The following ST7 variants were observed in gnomAD, a reference collection of about 807,000 sequenced individuals.
ST7 encodes suppressor of tumorigenicity 7 protein.
A neutral mutation model predicts 78.7 loss-of-function variants in ST7; 28 were observed. The observed-to-expected ratio is 0.36, with a 90% CI of 0.26 to 0.49. ST7 has a LOEUF of 0.49. Ranked by LOEUF, ST7 falls within the 20% of genes least tolerant of loss-of-function variation. ST7 has a pLI of 0.99. For synonymous variants in ST7, 247 were observed against 249.6 expected (o/e 0.99, Z 0.10); for missense variants, 418 against 696.0 (o/e 0.60, Z 4.49).
intron 7 of ST7, among the ~76,000 whole-genome samples, chr7:117,134,992 A>G (rs12706142): frequency 6.6e-6 from 1 of 151,808 alleles, no homozygotes; most frequent in African/African-American, 2.4e-5. Context: ...CTAGCTGGCT[A>G]TTGCAGTTTG....
At chr7:117,196,624 C>CTTTTTTTTTTTTTTTTTTTT (rs56133709) in intron 12 of ST7, among the ~76,000 whole-genome samples, 2 of 59,504 alleles carry the variant, frequency 3.4e-5, no homozygotes, top group African/African-American at 1.3e-4. Context: ...GATTGTTGGG[C>CTTTTTTTTTTTTTTTTTTTT]TTTTTTTTTT....
intron 10 of ST7, among the ~76,000 whole-genome samples, chr7:117,180,950 C>G (rs969889172): frequency 6.6e-6 from 1 of 152,100 alleles, no homozygotes; most frequent in Non-Finnish European, 1.5e-5. Context: ...CCATGCCCAG[C>G]CTTTTATTTG....
intron 9 of ST7, among the ~76,000 whole-genome samples, chr7:117,154,403 A>C (rs1433599612): frequency 2.6e-5 from 4 of 152,206 alleles, no homozygotes. Flanking sequence ...CTGTGATAGC[A>C]GACTGAGCAG....
At chr7:117,197,141 C>A (rs1193888848) in intron 12 of ST7, among the ~76,000 whole-genome samples, 1 of 152,140 alleles carries the variant, frequency 6.6e-6, no homozygotes, top group Non-Finnish European at 1.5e-5. Flanking sequence ...CTCAAGGGAT[C>A]CTCCAGCCTC....
At chr7:117,221,780 T>G in intron 14 of ST7, 143 bp from the exon 15 acceptor site, 1 of 927,044 alleles carries the variant, frequency 1.1e-6, no homozygotes, top group Non-Finnish European at 1.5e-6. Context: ...ATGTTGGCTA[T>G]GGTTTGTCAG....
At chr7:117,123,137 T>C (rs1803539608) in intron 3 of ST7, among the ~76,000 whole-genome samples, 1 of 152,182 alleles carries the variant, frequency 6.6e-6, no homozygotes, top group South Asian at 2.1e-4. Flanking sequence ...CTCATGGATG[T>C]TGGCAAAGGC....
chr7:117,179,701 T>G (rs1584527161), intron 10 of ST7, among the ~76,000 whole-genome samples: 8 of 129,290 alleles, frequency 6.2e-5, no homozygotes, highest in Admixed American at 1.6e-4. Flanking sequence ...TAGCTGGGGG[T>G]GTGGGGGGGT....
chr7:116,977,712 C>A (rs1340594006), intron 1 of ST7, among the ~76,000 whole-genome samples: 1 of 152,178 alleles, frequency 6.6e-6, no homozygotes, highest in Non-Finnish European at 1.5e-5. Flanking sequence ...CCACCACGCC[C>A]AGCTAATTTT....
intron 1 of ST7, chr7:117,020,655 G>C (rs1314280944): frequency 1.9e-6 from 3 of 1,550,156 alleles, no homozygotes; most frequent in Non-Finnish European, 2.6e-6. Context: ...CCACTTCTCT[G>C]CTATTTAGAA....
chr7:116,973,040 A>G, intron 1 of ST7: 1 of 667,790 alleles, frequency 1.5e-6, no homozygotes, highest in South Asian at 1.6e-5. Flanking sequence ...GGATTCATGG[A>G]TATTTATTTT....
chr7:117,124,631 A>G (rs1263353672), intron 3 of ST7, among the ~76,000 whole-genome samples: 2 of 152,190 alleles, frequency 1.3e-5, no homozygotes, highest in African/African-American at 4.8e-5. Context: ...CAGGATTGCC[A>G]GTGGTTGACA....
chr7:117,071,075 C>T (rs1023245655), intron 1 of ST7, among the ~76,000 whole-genome samples: 1 of 151,786 alleles, frequency 6.6e-6, no homozygotes, highest in East Asian at 2.0e-4. Context: ...AAAAATTAGC[C>T]GGGCGTGGTG....
intron 1 of ST7, among the ~76,000 whole-genome samples, chr7:117,077,844 C>CTTTTT (rs1186348708): frequency 9.1e-5 from 11 of 120,900 alleles, no homozygotes; most frequent in South Asian, 2.7e-4. Flanking sequence ...TGATTTCTTT[C>CTTTTT]TTTTTTTTTT....
intron 1 of ST7, among the ~76,000 whole-genome samples, chr7:116,975,533 G>A (rs770489912): frequency 4.9e-4 from 74 of 151,878 alleles, no homozygotes; most frequent in Non-Finnish European, 7.8e-4. Context: ...TTAGTCTCCC[G>A]AGTAGCTGGG....
intron 12 of ST7, among the ~76,000 whole-genome samples, chr7:117,196,892 CT>C (rs1810370462): frequency 6.6e-6 from 1 of 151,994 alleles, no homozygotes; most frequent in Non-Finnish European, 1.5e-5. Context: ...AAGTTTTTCG[CT>C]CCTTTACTTT....
intron 3 of ST7, among the ~76,000 whole-genome samples, chr7:117,122,385 G>A (rs1371600647): frequency 6.6e-6 from 1 of 152,148 alleles, no homozygotes; most frequent in Admixed American, 6.5e-5. Context: ...ACAAGGTTCT[G>A]CAATTATCAT....
intron 9 of ST7, among the ~76,000 whole-genome samples, chr7:117,157,431 G>GA (rs1806787675): frequency 6.6e-6 from 1 of 152,204 alleles, no homozygotes; most frequent in African/African-American, 2.4e-5. Flanking sequence ...GAGAATGTTA[G>GA]AAGGCAAAGT....
chr7:117,129,892 G>A, intron 4 of ST7, 45 bp downstream of exon 4: 1 of 1,515,442 alleles, frequency 6.6e-7, no homozygotes, highest in South Asian at 1.2e-5. Flanking sequence ...CTGGTTCAGA[G>A]AGCAAAGACA....
intron 1 of ST7, among the ~76,000 whole-genome samples, chr7:116,977,464 C>T (rs2116303729): frequency 6.6e-6 from 1 of 152,338 alleles, no homozygotes; most frequent in Non-Finnish European, 1.5e-5. Context: ...AAGAAAGGCA[C>T]CCACAGAGCT....
Sources: allele counts gnomAD v4.1 joint callset (sites outside exome capture counted in the v4.1 genomes callset), GRCh38; gene constraint gnomAD v4.1.1; transcripts MANE v1.5; gene names NCBI Gene and HGNC (gene_info 2026-07-23, HGNC 2026-07-21).